The following CACNA2D1 variants were observed in gnomAD, a reference collection of about 807,000 sequenced individuals.
CACNA2D1 encodes voltage-dependent calcium channel subunit alpha-2/delta-1.
Under a neutral mutation model 171.5 loss-of-function variants are expected in CACNA2D1, and 53 were observed. The ratio of observed to expected loss-of-function variants is 0.31; its 90% confidence interval spans 0.25 to 0.39. The LOEUF is 0.39. CACNA2D1 is among the 10% of genes least tolerant of loss of function. The pLI is 1.00. For missense variants in CACNA2D1, 903 were observed against 1,299.8 expected (o/e 0.69, Z 4.69); for synonymous variants, 442 against 443.1 (o/e 1.00, Z 0.03).
At chr7:82,382,717 T>C (rs771523320) in intron 1 of CACNA2D1, among the ~76,000 whole-genome samples, 2 of 152,208 alleles carry the variant, frequency 1.3e-5, no homozygotes, top group East Asian at 1.9e-4. Context: ...AAACGGTAAA[T>C]GTTACATGGC....
Position 82,084,857 on chromosome 7 carries a change from A to C in CACNA2D1, c.570T>G (p.Asp190Glu). 6.2e-7 allele frequency: 1 copy of C among 1,613,930 alleles called. No individual in the cohort carries two copies. Among genetic ancestry groups the C allele is most frequent in the Non-Finnish European group, 8.5e-7 (1 of 1,179,820 alleles). The change falls in exon 7 of 39, where the codon GAT (aspartate) becomes GAG (glutamate). Residue 190 changes from aspartate to glutamate, a missense_variant. Asp to Glu is a conservative substitution (Grantham distance 45). This residue lies in a region of CACNA2D1 where 189 missense variants were observed against 266.8 expected (regional missense o/e 0.71). Coordinates refer to ENST00000356860, the MANE Select transcript of CACNA2D1 (RefSeq NM_000722.4). ...CCTCGCGATTCTTTTTGAAAACTTC[A>C]TCTAAGGCACTTGTCCAGTTGAGTT... Reference protein sequence around the residue: ...LNELNWTSALDEVFKKNREED... With the variant: ...LNELNWTSALEEVFKKNREED...
intron 3 of CACNA2D1, among the ~76,000 whole-genome samples, chr7:82,234,512 G>T (rs979372052): frequency 1.3e-5 from 2 of 152,054 alleles, no homozygotes; most frequent in African/African-American, 4.8e-5. Context: ...ATAAGCAACT[G>T]ATGTCTTTAT....
intron 3 of CACNA2D1, among the ~76,000 whole-genome samples, chr7:82,269,614 C>T (rs1808356578): frequency 6.6e-6 from 1 of 152,090 alleles, no homozygotes; most frequent in Non-Finnish European, 1.5e-5. Flanking sequence ...GACAATTTTC[C>T]CCACTGCACT....
At chr7:82,316,653 A>G (rs1040868626) in intron 3 of CACNA2D1, among the ~76,000 whole-genome samples, 1 of 152,184 alleles carries the variant, frequency 6.6e-6, no homozygotes. Context: ...TGCTCCTAAT[A>G]AAGACATATC....
At chr7:82,221,014 G>T (rs1388971996) in intron 3 of CACNA2D1, among the ~76,000 whole-genome samples, 1 of 152,112 alleles carries the variant, frequency 6.6e-6, no homozygotes, top group African/African-American at 2.4e-5. Context: ...GACCTCGCAT[G>T]ATCTGCCCAC....
At chr7:82,308,617 T>C (rs915150982) in intron 3 of CACNA2D1, among the ~76,000 whole-genome samples, 7 of 152,194 alleles carry the variant, frequency 4.6e-5, no homozygotes, top group African/African-American at 1.7e-4. Context: ...TTTACACCTA[T>C]AAGAAAACTC....
chr7:82,100,270 T>C (rs1036592652), intron 6 of CACNA2D1, among the ~76,000 whole-genome samples: 3 of 152,174 alleles, frequency 2.0e-5, no homozygotes, highest in African/African-American at 7.2e-5. Context: ...AAATTTATTT[T>C]CTTGATTCCA....
At chr7:82,404,060 C>G (rs887946086) in intron 1 of CACNA2D1, among the ~76,000 whole-genome samples, 1 of 152,156 alleles carries the variant, frequency 6.6e-6, no homozygotes, top group East Asian at 1.9e-4. Context: ...ACTAAGAATT[C>G]ACTTTCCTCT....
chr7:82,351,338 C>T (rs1483070583), intron 1 of CACNA2D1, among the ~76,000 whole-genome samples: 1 of 150,872 alleles, frequency 6.6e-6, no homozygotes, highest in Non-Finnish European at 1.5e-5. Flanking sequence ...AAAAATATAA[C>T]ATGGAAGAGA....
intron 6 of CACNA2D1, among the ~76,000 whole-genome samples, chr7:82,090,663 T>C (rs1584710897): frequency 6.6e-6 from 1 of 152,058 alleles, no homozygotes; most frequent in East Asian, 1.9e-4. Flanking sequence ...TGGCACTCTT[T>C]GGGTTGGGCA....
At chr7:82,349,902 C>T (rs1819652508) in intron 1 of CACNA2D1, among the ~76,000 whole-genome samples, 1 of 152,126 alleles carries the variant, frequency 6.6e-6, no homozygotes, top group South Asian at 2.1e-4. Context: ...ATGTCTTGTC[C>T]AAGGAGAGTA....
At chr7:82,119,376 T>C (rs1789453447) in intron 5 of CACNA2D1, among the ~76,000 whole-genome samples, 3 of 152,172 alleles carry the variant, frequency 2.0e-5, no homozygotes, top group South Asian at 2.1e-4. Flanking sequence ...AGCTATTAAA[T>C]AATAGATTAG....
chr7:82,046,887 T>C (rs1369705368), intron 10 of CACNA2D1, among the ~76,000 whole-genome samples: 1 of 152,222 alleles, frequency 6.6e-6, no homozygotes, highest in Non-Finnish European at 1.5e-5. Flanking sequence ...GTTTACCTTG[T>C]TGAAATCTTG....
intron 3 of CACNA2D1, among the ~76,000 whole-genome samples, chr7:82,302,847 A>G (rs1382015331): frequency 6.6e-6 from 1 of 152,256 alleles, no homozygotes; most frequent in Admixed American, 6.5e-5. Context: ...ATTGTCTACT[A>G]AAGGGGAATA....
intron 3 of CACNA2D1, among the ~76,000 whole-genome samples, chr7:82,253,794 C>T (rs1805955041): frequency 1.3e-5 from 2 of 152,160 alleles, no homozygotes; most frequent in Admixed American, 1.3e-4. Context: ...TTACCTGAAG[C>T]TACTGAACCT....
chr7:82,012,270 C>T (rs772768237), intron 14 of CACNA2D1, 27 bp from the exon 15 acceptor site: 22 of 1,023,178 alleles, frequency 2.2e-5, no homozygotes, highest in Non-Finnish European at 3.0e-5. Context: ...AAAAAAAAGT[C>T]GTGGTTAAAA....
intron 3 of CACNA2D1, among the ~76,000 whole-genome samples, chr7:82,181,199 G>A (rs6948745): frequency 2.0e-5 from 3 of 151,806 alleles, no homozygotes; most frequent in Non-Finnish European, 4.4e-5. Flanking sequence ...GTGAGGCCTA[G>A]AAATGGATGT....
intron 3 of CACNA2D1, among the ~76,000 whole-genome samples, chr7:82,222,660 C>CT (rs1333370953): frequency 1.3e-5 from 2 of 151,944 alleles, no homozygotes; most frequent in Admixed American, 6.6e-5. Context: ...TAATACAACA[C>CT]TTTTTTTTCC....
chr7:81,998,946 T>C (rs1798317632), intron 18 of CACNA2D1, among the ~76,000 whole-genome samples: 2 of 152,172 alleles, frequency 1.3e-5, no homozygotes, highest in African/African-American at 2.4e-5. Context: ...GCTCATTTAA[T>C]GTCCCATGAA....
Sources: allele counts gnomAD v4.1 joint callset (sites outside exome capture counted in the v4.1 genomes callset), GRCh38; gene constraint gnomAD v4.1.1; regional missense constraint gnomAD v4.1.1; transcripts MANE v1.5; gene names NCBI Gene and HGNC (gene_info 2026-07-23, HGNC 2026-07-21).